VWC2: variants seen among roughly 807,000 people sequenced by gnomAD.
VWC2 encodes brorin.
Under a neutral mutation model 29.8 loss-of-function variants are expected in VWC2, and 14 were observed. The observed-to-expected ratio is 0.47, with a 90% CI of 0.31 to 0.74. VWC2 has a LOEUF of 0.74. Among genes scored for constraint, VWC2 ranks in the 30% least tolerant of loss-of-function variants. The pLI, the probability that VWC2 is intolerant of heterozygous loss-of-function variation, is 0.05. For missense variants in VWC2, 457 were observed against 459.8 expected (o/e 0.99, Z 0.05); for synonymous variants, 213 against 199.0 (o/e 1.07, Z -0.59).
rs113752171 is a variant in VWC2 at position 49,774,418 on chromosome 7, T to C, written c.-104+305T>C. Among the ~76,000 whole-genome samples the C allele has an allele frequency of 8.5e-3, 1,293 of 152,240 alleles. 13 individuals are homozygous for C. Among genetic ancestry groups the C allele is most frequent in the African/African-American group, 0.024 (982 of 41,536 alleles). Reference sequence around the variant, plus strand: ...AGGCGGAGAGAGGCTGGATTGCCGGTGTCCTGCGGCGTCTCGGGCTCTCCC... The same window carrying C: ...AGGCGGAGAGAGGCTGGATTGCCGGCGTCCTGCGGCGTCTCGGGCTCTCCC... On this transcript the variant is annotated intron_variant, in intron 1 of 3. Transcript: ENST00000340652.
intron 3 of VWC2, among the ~76,000 whole-genome samples, chr7:49,826,821 T>C (rs1789403415): frequency 6.6e-6 from 1 of 152,200 alleles, no homozygotes; most frequent in South Asian, 2.1e-4. Flanking sequence ...CTAAGTCGTT[T>C]AACAGACTCT....
At chr7:49,841,505 T>C (rs1246923058) in intron 3 of VWC2, among the ~76,000 whole-genome samples, 2 of 152,192 alleles carry the variant, frequency 1.3e-5, no homozygotes, top group Non-Finnish European at 2.9e-5. Flanking sequence ...AGCAAGTCTT[T>C]CTTTTGGAAG....
At chr7:49,903,154 C>T (rs1000860311) in intron 3 of VWC2, among the ~76,000 whole-genome samples, 1 of 152,076 alleles carries the variant, frequency 6.6e-6, no homozygotes, top group Non-Finnish European at 1.5e-5. Context: ...CGTGGTTGGA[C>T]TGTAAATTTT....
At chr7:49,887,306 T>C (rs1791944323) in intron 3 of VWC2, among the ~76,000 whole-genome samples, 1 of 152,184 alleles carries the variant, frequency 6.6e-6, no homozygotes, top group African/African-American at 2.4e-5. Context: ...TTCAGGATAT[T>C]CTGCATCATT....
intron 3 of VWC2, among the ~76,000 whole-genome samples, chr7:49,858,783 T>C (rs1026908019): frequency 1.1e-4 from 16 of 152,228 alleles, no homozygotes; most frequent in African/African-American, 3.4e-4. Flanking sequence ...TTGTTACTTA[T>C]GTAGATAGTA....
intron 3 of VWC2, among the ~76,000 whole-genome samples, chr7:49,894,868 G>A (rs1792307101): frequency 6.6e-6 from 1 of 152,242 alleles, no homozygotes; most frequent in Non-Finnish European, 1.5e-5. Flanking sequence ...GCTAGAGTGT[G>A]CTGGCAACTA....
intron 3 of VWC2, among the ~76,000 whole-genome samples, chr7:49,860,391 T>A (rs117843089): frequency 2.1e-4 from 32 of 152,368 alleles, no homozygotes; most frequent in Non-Finnish European, 4.3e-4. Context: ...CTTACCATAA[T>A]GTTTTCAAGG....
chr7:49,808,842 A>T (rs1788933075), intron 3 of VWC2, among the ~76,000 whole-genome samples: 1 of 152,054 alleles, frequency 6.6e-6, no homozygotes, highest in African/African-American at 2.4e-5. Flanking sequence ...TTTAATAATG[A>T]AAACAGAATG....
chr7:49,879,364 C>A (rs1002519785), intron 3 of VWC2, among the ~76,000 whole-genome samples: 2 of 152,066 alleles, frequency 1.3e-5, no homozygotes, highest in African/African-American at 4.8e-5. Flanking sequence ...GCTGGATATT[C>A]TTTTAGCAAA....
At chr7:49,801,532 G>A (rs532034961) in intron 2 of VWC2, among the ~76,000 whole-genome samples, 40 of 152,334 alleles carry the variant, frequency 2.6e-4, no homozygotes, top group African/African-American at 8.4e-4. Context: ...CGTTAGCCAC[G>A]TACAGCTTTC....
At chr7:49,911,930 C>CACACACACACACAG (rs1793471954) in intron 3 of VWC2, 104 bp from the exon 4 acceptor site, 1 of 805,974 alleles carries the variant, frequency 1.2e-6, no homozygotes, top group Non-Finnish European at 1.7e-6. Flanking sequence ...CACGCACACA[C>CACACACACACACAG]ACACACACAC....
intron 2 of VWC2, among the ~76,000 whole-genome samples, chr7:49,789,265 GTGAGC>G (rs1481963164): frequency 1.4e-5 from 2 of 145,748 alleles, no homozygotes; most frequent in African/African-American, 5.4e-5. Flanking sequence ...GTGGGTGTGT[GTGAGC>G]GGGTGTGTGT....
chr7:49,913,601 A>G lies in VWC2; in HGVS notation c.*1416A>G, dbSNP rs969313757. The G allele has an allele frequency of 2.0e-5, 3 of 152,176 alleles. No homozygotes were observed. The highest frequency in any genetic ancestry group is 2.9e-5 in the Non-Finnish European group (2 of 68,022). The allele number at this position is 152,176 out of a possible 1,614,324, so 9.4% of individuals were successfully genotyped here. A position where few individuals can be genotyped will look rare whatever the true frequency, so the allele number is the denominator to read the frequency against. ...ATTAAGAACCTATTAAGTACAAAGCATTGACAACAAGGGAATAAGGCTTGA... is the reference window on the plus strand; with the variant it reads ...ATTAAGAACCTATTAAGTACAAAGCGTTGACAACAAGGGAATAAGGCTTGA... On this transcript the variant is annotated 3_prime_UTR_variant, in exon 4 of 4. Coordinates refer to ENST00000340652, the MANE Select transcript of VWC2 (RefSeq NM_198570.5).
chr7:49,904,175 G>A (rs958823431), intron 3 of VWC2, among the ~76,000 whole-genome samples: 2 of 152,190 alleles, frequency 1.3e-5, no homozygotes, highest in Non-Finnish European at 2.9e-5. Context: ...GCTTGTCTAT[G>A]TCTGCAGCTC....
chr7:49,860,042 T>A (rs1474185020), intron 3 of VWC2, among the ~76,000 whole-genome samples: 1 of 152,146 alleles, frequency 6.6e-6, no homozygotes, highest in African/African-American at 2.4e-5. Context: ...TAAAGTTTCA[T>A]AATTTTATCC....
intron 2 of VWC2, 41 bp from the exon 3 acceptor site, chr7:49,802,670 T>C: frequency 6.2e-7 from 1 of 1,612,902 alleles, no homozygotes; most frequent in Non-Finnish European, 8.5e-7. Flanking sequence ...AGGATAAACA[T>C]GACAGCAGGC....
chr7:49,803,294 A>G (rs929184703), intron 3 of VWC2, among the ~76,000 whole-genome samples: 1 of 152,242 alleles, frequency 6.6e-6, no homozygotes, highest in African/African-American at 2.4e-5. Flanking sequence ...AGCCCCTGGT[A>G]GATCAGAAGC....
chr7:49,909,918 ACATAGAAAGACCT>A (rs1056739355), intron 3 of VWC2, among the ~76,000 whole-genome samples: 2 of 152,108 alleles, frequency 1.3e-5, no homozygotes, highest in East Asian at 3.9e-4. Context: ...AGCCTGGGCA[ACATAGAAAGACCT>A]CATATCTCCA....
rs1794008151 is a variant in VWC2, at chr7:49,921,368, A to G, written c.*9183A>G. On this transcript the variant is annotated 3_prime_UTR_variant, in exon 4 of 4. Transcript: ENST00000340652. ...AGTCTCTAGAAACAAAGGCCAGAGC[A>G]TCCTTTTAACATTTATATCATAAGT... 1 of 152,376 alleles carries G rather than the reference A, an allele frequency of 6.6e-6. No homozygotes were observed. Among genetic ancestry groups the G allele is most frequent in the African/African-American group, 2.4e-5 (1 of 41,590 alleles). 9.4% of individuals were successfully genotyped at this position (152,376 alleles called of 1,614,324 possible). A position where few individuals can be genotyped will look rare whatever the true frequency, so the allele number is the denominator to read the frequency against.
Sources: gnomAD v4.1 joint callset for allele counts (sites outside exome capture counted in the v4.1 genomes callset) on GRCh38, gnomAD v4.1.1 for gene constraint, MANE v1.5 for transcripts, NCBI Gene and HGNC (gene_info 2026-07-23, HGNC 2026-07-21) for gene names.